Variants in RNF152 observed in about 807,000 individuals in gnomAD.
RNF152 encodes E3 ubiquitin-protein ligase RNF152.
A neutral mutation model predicts 12.7 loss-of-function variants in RNF152; 11 were observed. The ratio of observed to expected loss-of-function variants is 0.86; its 90% CI spans 0.54 to 1.43. RNF152 has a LOEUF of 1.43. Ranked by LOEUF, RNF152 falls within the 40% of genes most tolerant of loss-of-function variation. The pLI is 0.00. For missense variants in RNF152, 255 were observed against 274.8 expected (o/e 0.93, Z 0.51); for synonymous variants, 113 against 120.3 (o/e 0.94, Z 0.40).
At chr18:61,891,814 G>A (rs190128629) in intron 1 of RNF152, among the ~76,000 whole-genome samples, 192 of 152,340 alleles carry the variant, frequency 1.3e-3, no homozygotes, top group African/African-American at 4.1e-3. Flanking sequence ...ATGGTGAAGA[G>A]AGAATCTGTC....
chr18:61,820,308 G>A lies in RNF152; in HGVS notation c.-135-3710C>T, dbSNP rs556759333. On this transcript the variant is annotated intron_variant, in intron 1 of 1. Coordinates refer to ENST00000312828, the MANE Select transcript of RNF152 (RefSeq NM_173557.3). ...CGCACCACTGCACTCCAGCCTGGGT[G>A]ACAGAGAGAGACTCCGTCTCACCAA... Among the ~76,000 whole-genome samples, 743 of 105,408 alleles carry A rather than the reference G, an allele frequency of 7.0e-3. 8 individuals carry two copies. Among genetic ancestry groups the A allele is most frequent in the African/African-American group, 0.026 (698 of 27,258 alleles). 69.2% of individuals were successfully genotyped at this position (105,408 alleles called of 152,430 possible).
intron 1 of RNF152, among the ~76,000 whole-genome samples, chr18:61,855,494 G>A (rs866914623): frequency 1.3e-5 from 2 of 152,202 alleles, no homozygotes; most frequent in Admixed American, 1.3e-4. Flanking sequence ...GCAATTCCTC[G>A]CATCTCCAAC....
intron 1 of RNF152, among the ~76,000 whole-genome samples, chr18:61,839,914 A>G (rs1910376851): frequency 6.6e-6 from 1 of 152,144 alleles, no homozygotes; most frequent in Non-Finnish European, 1.5e-5. Flanking sequence ...GTGACAGGAA[A>G]AAATATTTCA....
At chr18:61,829,525 GGAGAGA>G (rs140442119) in intron 1 of RNF152, among the ~76,000 whole-genome samples, 142 of 148,462 alleles carry the variant, frequency 9.6e-4, no homozygotes, top group African/African-American at 3.3e-3. Context: ...ATCAGGGGAG[GGAGAGA>G]GAGAGAGAGA....
chr18:61,829,048 G>A (rs574087382), intron 1 of RNF152, among the ~76,000 whole-genome samples: 3 of 152,150 alleles, frequency 2.0e-5, no homozygotes, highest in East Asian at 1.9e-4. Flanking sequence ...CAAGACGAGG[G>A]GAGGCAGTGC....
chr18:61,878,874 G>C (rs1293855552), intron 1 of RNF152, among the ~76,000 whole-genome samples: 1 of 152,186 alleles, frequency 6.6e-6, no homozygotes, highest in Non-Finnish European at 1.5e-5. Flanking sequence ...ATTCCAACAT[G>C]AATTTTGGAG....
At chr18:61,865,069 T>G (rs1393900067) in intron 1 of RNF152, among the ~76,000 whole-genome samples, 1 of 151,996 alleles carries the variant, frequency 6.6e-6, no homozygotes, top group Non-Finnish European at 1.5e-5. Context: ...TCCTCTAACC[T>G]CTATCACCCA....
chr18:61,861,132 G>A (rs1483760467), intron 1 of RNF152, among the ~76,000 whole-genome samples: 1 of 152,162 alleles, frequency 6.6e-6, no homozygotes, highest in Non-Finnish European at 1.5e-5. Flanking sequence ...ATTGAGTGTA[G>A]TCTAAGTGTA....
At chr18:61,894,254 C>T (rs927389668), upstream of RNF152, 1 of 150,220 alleles carries the variant, frequency 6.7e-6, no homozygotes, top group Non-Finnish European at 1.5e-5. This position sits in a 1 kb window ranked among gnomAD's most constrained non-coding sequence, Gnocchi z 4.9. Context: ...AGACTCGCGC[C>T]CCGGGCCGGC....
In RNF152 at chr18:61,809,788, G is replaced by C. The variant is rs566504540; in HGVS notation, c.*6064C>G. ...AATAATAAAATCGAGCTAATGAGAT[G>C]AGTATTTCAAGCACCACTACATCAT... On this transcript the variant is annotated 3_prime_UTR_variant, in exon 2 of 2. Transcript: ENST00000312828. 6.8e-6 allele frequency: 1 copy of C among 147,996 alleles called. No homozygotes were observed. Among genetic ancestry groups the C allele is most frequent in the African/African-American group, 2.5e-5 (1 of 40,218 alleles). The allele number at this position is 147,996 out of a possible 1,614,324, so 9.2% of individuals were successfully genotyped here. A position where few individuals can be genotyped will look rare whatever the true frequency, so the allele number is the denominator to read the frequency against.
intron 1 of RNF152, among the ~76,000 whole-genome samples, chr18:61,851,289 G>A (rs1217321261): frequency 1.3e-5 from 2 of 151,906 alleles, no homozygotes; most frequent in African/African-American, 4.8e-5. Flanking sequence ...AATCACTGAA[G>A]TCCTTCACAA....
chr18:61,864,378 C>T (rs1799146149), intron 1 of RNF152, among the ~76,000 whole-genome samples: 1 of 152,174 alleles, frequency 6.6e-6, no homozygotes, highest in Non-Finnish European at 1.5e-5. Context: ...ATGGCTATTA[C>T]TGGTTTATGA....
At chr18:61,828,844 G>C (rs1223216009) in intron 1 of RNF152, among the ~76,000 whole-genome samples, 1 of 152,180 alleles carries the variant, frequency 6.6e-6, no homozygotes, top group East Asian at 1.9e-4. Flanking sequence ...GCTAAGGCCG[G>C]TGGGGAATAC....
intron 1 of RNF152, chr18:61,888,780 C>G (rs1912811841): frequency 6.6e-6 from 1 of 152,216 alleles, no homozygotes; most frequent in Non-Finnish European, 1.5e-5. Context: ...CACAGTGTAA[C>G]TCTCGAAGCC....
intron 1 of RNF152, among the ~76,000 whole-genome samples, chr18:61,892,222 T>C (rs1202263065): frequency 6.6e-6 from 1 of 152,200 alleles, no homozygotes; most frequent in African/African-American, 2.4e-5. Flanking sequence ...TTTTCTCTGT[T>C]CTCTTTCTGC....
intron 1 of RNF152, among the ~76,000 whole-genome samples, chr18:61,826,486 C>T: frequency 6.6e-6 from 1 of 152,150 alleles, no homozygotes; most frequent in Non-Finnish European, 1.5e-5. Flanking sequence ...GCCTTTCTCA[C>T]CTTCCTCCCT....
intron 1 of RNF152, among the ~76,000 whole-genome samples, chr18:61,834,544 G>A (rs989719154): frequency 4.6e-5 from 7 of 152,170 alleles, no homozygotes; most frequent in Admixed American, 3.9e-4. Context: ...CATCTGCCTC[G>A]GCTACAAAGA....
At position 61,849,886 on chromosome 18, in the gene RNF152, G is replaced by A. The variant is rs567844037; in HGVS notation, c.-135-33288C>T. On this transcript the variant is annotated intron_variant, in intron 1 of 1. Coordinates refer to ENST00000312828, the MANE Select transcript of RNF152 (RefSeq NM_173557.3). ...CCTGACATCATCAAATGAGTTTGAG[G>A]AGCACCTGGCTTCTGGGTAAGTTCT... Among the ~76,000 whole-genome samples the A allele has an allele frequency of 4.6e-5, 7 of 152,288 alleles. No individual in the cohort carries two copies. The South Asian group carries it at 1.0e-3, about 23-fold the overall frequency.
chr18:61,855,355 C>T (rs544105497), intron 1 of RNF152, among the ~76,000 whole-genome samples: 1 of 152,228 alleles, frequency 6.6e-6, no homozygotes, highest in Non-Finnish European at 1.5e-5. Context: ...ATGGCAGAAG[C>T]GGCCTGTTTG....
Sources: allele counts gnomAD v4.1 joint callset (sites outside exome capture counted in the v4.1 genomes callset), GRCh38; gene constraint gnomAD v4.1.1; non-coding constraint Gnocchi (gnomAD v3.1); transcripts MANE v1.5; gene names NCBI Gene and HGNC (gene_info 2026-07-23, HGNC 2026-07-21).